ATXN2: variants seen among roughly 807,000 people sequenced by gnomAD.
ATXN2 encodes ataxin-2.
In ATXN2, 37 loss-of-function variants were observed where a neutral mutation model predicts 138.6. That is an observed-to-expected ratio of 0.27 (90% CI 0.21 to 0.35). The LOEUF (loss-of-function observed/expected upper bound fraction) is 0.35, where lower values mean the gene tolerates loss of function less well. Among genes scored for constraint, ATXN2 ranks in the 10% least tolerant of loss-of-function variants. The pLI is 1.00. For missense variants in ATXN2, 1,216 were observed against 1,480.3 expected (o/e 0.82, Z 2.93); for synonymous variants, 549 against 543.7 (o/e 1.01, Z -0.13).
At position 111,482,192 on chromosome 12, in the gene ATXN2, T is replaced by A. The variant is rs1330992690; in HGVS notation, c.2524+3073A>T. On this transcript the variant is annotated intron_variant, in intron 18 of 24. Transcript: ENST00000673436. ...CATGGCAAAGCCCTTTCTCTACTAT[T>A]TTTTTTTTTTTTTTTTTTTTGAGAC... Among the ~76,000 whole-genome samples the A allele has an allele frequency of 7.3e-5, 4 of 54,718 alleles. No individual in the cohort carries two copies. The African/African-American group carries it at 1.2e-3, about 16-fold the overall frequency. The allele number at this position is 54,718 out of a possible 152,430, so 35.9% of individuals were successfully genotyped here. A position where few individuals can be genotyped will look rare whatever the true frequency, so the allele number is the denominator to read the frequency against.
intron 1 of ATXN2, among the ~76,000 whole-genome samples, chr12:111,559,149 T>C (rs1167644112): frequency 6.6e-6 from 1 of 151,376 alleles, no homozygotes; most frequent in Non-Finnish European, 1.5e-5. Flanking sequence ...TTTTTTTTTT[T>C]CTGAGACAGA....
chr12:111,576,085 A>AATAAC (rs373436951), intron 1 of ATXN2, among the ~76,000 whole-genome samples: 6,555 of 123,426 alleles, frequency 0.053, 357 homozygotes, highest in East Asian at 0.1. Context: ...TCTGTCTTAA[A>AATAAC]ATAACATAAC....
chr12:111,490,799 G>A (rs1267308901), intron 14 of ATXN2, among the ~76,000 whole-genome samples: 4 of 152,168 alleles, frequency 2.6e-5, no homozygotes, highest in African/African-American at 9.7e-5. Context: ...AAGAATCTGT[G>A]TGCTCGGGGG....
intron 1 of ATXN2, chr12:111,597,836 T>G (rs532138285): frequency 7.8e-7 from 1 of 1,278,770 alleles, no homozygotes; most frequent in Non-Finnish European, 1.0e-6. Flanking sequence ...TTGGGATAAG[T>G]GCGCAGGGTG....
intron 18 of ATXN2, chr12:111,484,997 A>C: frequency 3.3e-6 from 1 of 307,492 alleles, no homozygotes. Flanking sequence ...CAAAGTGCTA[A>C]AATTACAGGT....
At chr12:111,454,685 G>A (rs1173494262) in intron 23 of ATXN2, 4 of 272,784 alleles carry the variant, frequency 1.5e-5, no homozygotes, top group South Asian at 4.1e-5. Context: ...TCTAGACTAC[G>A]ATAAGCCTTG....
chr12:111,553,999 G>T (rs1227503450), intron 3 of ATXN2, among the ~76,000 whole-genome samples, 159 bp downstream of exon 3: 3 of 152,040 alleles, frequency 2.0e-5, no homozygotes, highest in African/African-American at 7.3e-5. Flanking sequence ...AATTATATTA[G>T]ACTGGATAAA....
intron 5 of ATXN2, among the ~76,000 whole-genome samples, chr12:111,545,627 T>C (rs923695445): frequency 5.9e-5 from 9 of 151,638 alleles, no homozygotes; most frequent in African/African-American, 7.3e-5. Flanking sequence ...AAGGGCATGA[T>C]TGAAGTTGGC....
chr12:111,552,454 T>C lies in ATXN2; in HGVS notation c.421-24A>G. 3.7e-6 allele frequency: 6 copies of C among 1,600,848 alleles called. No individual in the cohort carries two copies. Among genetic ancestry groups the C allele is most frequent in the Non-Finnish European group, 5.1e-6 (6 of 1,175,790 alleles). ...CACTAAAATGAAAAACACAAGTAAG[T>C]ACTCCAAACCTTTACAAAATAAAAT... On this transcript the variant is annotated intron_variant, in intron 4 of 24. Coordinates refer to ENST00000673436, the MANE Select transcript of ATXN2 (RefSeq NM_001372574.1). The surrounding 1 kb of genome is among the most constrained non-coding windows in gnomAD (Gnocchi z 4.1).
At chr12:111,496,911 A>G (rs905595594) in intron 14 of ATXN2, among the ~76,000 whole-genome samples, 2 of 152,182 alleles carry the variant, frequency 1.3e-5, no homozygotes, top group African/African-American at 4.8e-5. Context: ...AGAAAATACA[A>G]AAGATCAATA....
chr12:111,522,919 G>A (rs1880263160), intron 6 of ATXN2, among the ~76,000 whole-genome samples: 1 of 151,290 alleles, frequency 6.6e-6, no homozygotes, highest in Non-Finnish European at 1.5e-5. Context: ...GTCTCAAAAA[G>A]AGTTTCTTGG....
intron 5 of ATXN2, among the ~76,000 whole-genome samples, chr12:111,550,197 G>A (rs1016235736): frequency 3.9e-5 from 6 of 152,096 alleles, no homozygotes; most frequent in Non-Finnish European, 7.3e-5. Flanking sequence ...AGTAGAGTGA[G>A]ATTTTCAAAG....
chr12:111,454,978 A>G, intron 23 of ATXN2: 1 of 699,736 alleles, frequency 1.4e-6, no homozygotes, highest in Non-Finnish European at 2.6e-6. Flanking sequence ...AGTGCGCTAC[A>G]CCACAGAACC....
In ATXN2 at chr12:111,551,693, A is replaced by T. The variant is rs139597857; in HGVS notation, c.571+587T>A. On this transcript the variant is annotated intron_variant, in intron 5 of 24. Transcript: ENST00000673436. The stretch of plus-strand genomic sequence containing the variant: ...GGACAAGAAATTTTCAGTTGAATAT[A>T]ATCAGTAGCATTCTTGACCACAAAA... Among the ~76,000 whole-genome samples the T allele has an allele frequency of 1.2e-4, 19 of 152,304 alleles. No homozygotes were observed. The East Asian group carries it at 2.9e-3, about 23-fold the overall frequency.
At chr12:111,456,351 A>G in intron 22 of ATXN2, 95 bp from the exon 23 acceptor site, 1 of 1,307,224 alleles carries the variant, frequency 7.6e-7, no homozygotes, top group South Asian at 1.2e-5. Flanking sequence ...ACTTGGGCCT[A>G]TGATGAGGGT....
At chr12:111,506,836 G>A (rs928067002) in intron 14 of ATXN2, among the ~76,000 whole-genome samples, 2 of 152,218 alleles carry the variant, frequency 1.3e-5, no homozygotes, top group South Asian at 2.1e-4. Flanking sequence ...ACTGGTTTTC[G>A]TATTTTTTTG....
In ATXN2 at chr12:111,589,593, A is replaced by G. The variant is rs1006983745; in HGVS notation, c.251+9191T>C. On this transcript the variant is annotated intron_variant, in intron 1 of 24. Transcript: ENST00000673436. ...TCGAGACCAGCCTGGCCAACATGAT[A>G]AAACCCCATCTCTACCAATAATACA... Among the ~76,000 whole-genome samples, 141 of 147,670 alleles carry G rather than the reference A, an allele frequency of 9.5e-4. 1 individual carries two copies. Among genetic ancestry groups the G allele is most frequent in the African/African-American group, 3.6e-3 (135 of 37,854 alleles).
chr12:111,509,278 C>A (rs983131161), intron 14 of ATXN2, among the ~76,000 whole-genome samples: 2 of 152,042 alleles, frequency 1.3e-5, no homozygotes, highest in African/African-American at 4.8e-5. Context: ...GAACAAAGTA[C>A]AAATGACCAT....
chr12:111,464,253 T>G (rs993914846), intron 21 of ATXN2, among the ~76,000 whole-genome samples: 1 of 149,184 alleles, frequency 6.7e-6, no homozygotes, highest in African/African-American at 2.5e-5. Flanking sequence ...TTGGGGTGTG[T>G]GTGTGTGTGT....
Sources: allele counts gnomAD v4.1 joint callset (sites outside exome capture counted in the v4.1 genomes callset), GRCh38; gene constraint gnomAD v4.1.1; non-coding constraint Gnocchi (gnomAD v3.1); transcripts MANE v1.5; gene names NCBI Gene and HGNC (gene_info 2026-07-23, HGNC 2026-07-21).